The following NAP1L2 variants were observed in gnomAD, a reference collection of about 807,000 sequenced individuals.
NAP1L2 encodes the protein nucleosome assembly protein 1-like 2.
For missense variants in NAP1L2, 376 were observed against 338.5 expected (o/e 1.11, Z -0.87); for synonymous variants, 165 against 126.0 (o/e 1.31, Z -2.07).
rs192799253 is a variant in NAP1L2 at position 73,214,512 on chromosome X, G to A, written c.-20C>T. On this transcript the variant is annotated 5_prime_UTR_variant, in exon 1 of 1. Transcript: ENST00000373517. ...GGCCATTTTTCAAAGGACCGTACAC[G>A]CCTAAGGTGGCTACCACAGAGATCG... 1.9e-3 allele frequency: 2,190 copies of A among 1,183,374 alleles called. 1 individual carries two copies. Among genetic ancestry groups the A allele is most frequent in the Non-Finnish European group, 2.2e-3 (1,942 of 879,554 alleles).
chrX:73,212,762 C>T lies in NAP1L2; in HGVS notation c.*348G>A, dbSNP rs1025175744. The T allele has an allele frequency of 1.1e-4, 17 of 158,745 alleles. No individual in the cohort carries two copies. Among genetic ancestry groups the T allele is most frequent in the Non-Finnish European group, 1.7e-4 (14 of 84,336 alleles). 13.1% of individuals were successfully genotyped at this position (158,745 alleles called of 1,213,427 possible). A position where few individuals can be genotyped will look rare whatever the true frequency, so the allele number is the denominator to read the frequency against. On this transcript the variant is annotated 3_prime_UTR_variant, in exon 1 of 1. Coordinates refer to ENST00000373517, the MANE Select transcript of NAP1L2 (RefSeq NM_021963.4). ...AAAAGAAAAACAACAACAGCGAAAA[C>T]CCTTGGGTTGTTTCCCAAGATTTTT...
In NAP1L2 at chrX:73,214,268, T is replaced by C. The variant is rs1347974576; in HGVS notation, c.225A>G (p.Lys75=). Residue 75 remains lysine, a synonymous_variant, in exon 1 of 1, where the codon AAA becomes AAG. Coordinates refer to ENST00000373517, the MANE Select transcript of NAP1L2 (RefSeq NM_021963.4). ...CTGAGTCCTCATCAGTATCGCCACCTTTTTTCCCATCTTCCCCGGACCCAG... is the reference window on the plus strand; with the variant it reads ...CTGAGTCCTCATCAGTATCGCCACCCTTTTTCCCATCTTCCCCGGACCCAG... ...TAAGSGEDGK[K]GGDTDEDSEA... The C allele has an allele frequency of 4.1e-6, 5 of 1,210,696 alleles. No individual in the cohort carries two copies. Among genetic ancestry groups the C allele is most frequent in the Non-Finnish European group, 5.6e-6 (5 of 895,006 alleles).
Position 73,213,638 on chromosome X carries a change from G to A in NAP1L2, c.855C>T (p.Phe285=), listed in dbSNP as rs2056142169. The A allele has an allele frequency of 3.3e-6, 4 of 1,209,147 alleles. No individual in the cohort carries two copies. In the South Asian group the frequency reaches 7.1e-5, roughly 21 times the overall value. The part of the protein sequence containing the change: ...KLSDPGEPLS[F]TLEFHFKPNE... ...TGGGTTTGAAGTGAAATTCTAGTGT[G>A]AAACTGAGGGGCTCGCCAGGATCTG... is the stretch of plus-strand genomic sequence containing the variant. Residue 285 remains phenylalanine (F), a synonymous_variant, in exon 1 of 1, where the codon TTC becomes TTT. Transcript: ENST00000373517.
At position 73,213,171 on chromosome X, in the gene NAP1L2, AT is replaced by A. The variant is rs767824631; in HGVS notation, c.1321del (p.Ile441LeufsTer14). 8.3e-7 allele frequency: 1 copy of A among 1,210,666 alleles called. No homozygotes were observed. The highest frequency in any genetic ancestry group is 1.7e-5 in the African/African-American group (1 of 57,691). ...TTTGCAACAAGCTTTAACTTCCTCA[AT>A]TGCAGCCATCCAATTATCATAAATA... ...KIIYDNWMAA[I>X]EEVKACCKNL... On this transcript the variant is annotated frameshift_variant, in exon 1 of 1. Coordinates refer to ENST00000373517, the MANE Select transcript of NAP1L2 (RefSeq NM_021963.4). LOFTEE classifies it low-confidence loss of function (END_TRUNC).
In NAP1L2 at chrX:73,214,183, G is replaced by A. The variant is rs767492191; in HGVS notation, c.310C>T (p.Leu104=). 3.3e-6 allele frequency: 4 copies of A among 1,209,646 alleles called. No homozygotes were observed. The highest frequency in any genetic ancestry group is 3.5e-5 in the South Asian group (2 of 56,750). The change falls in exon 1 of 1, where the codon CTA becomes TTA. Residue 104 remains leucine, a synonymous_variant. Transcript: ENST00000373517. ...ACACGGTACTTAACTTTCACAGGTAGACTTTCAACAAAGTCTGTATCTAAA... is the reference window on the plus strand; with the variant it reads ...ACACGGTACTTAACTTTCACAGGTAAACTTTCAACAAAGTCTGTATCTAAA... ...YVLDTDFVES[L]PVKVKYRVLA... is the part of the protein sequence containing the mutation.
chrX:73,214,579 G>C lies in NAP1L2; in HGVS notation c.-87C>G. 5 of 1,029,204 alleles carry C rather than the reference G, an allele frequency of 4.9e-6. No individual in the cohort carries two copies. The allele number at this position is 1,029,204 out of a possible 1,213,427, so 84.8% of individuals were successfully genotyped here. The stretch of plus-strand genomic sequence containing the variant: ...CAGGAAAAGACTCACCGAAATATCA[G>C]AAGCGGCGGTGGTCGGACCTAGCAG... On this transcript the variant is annotated 5_prime_UTR_variant, in exon 1 of 1. Coordinates refer to ENST00000373517, the MANE Select transcript of NAP1L2 (RefSeq NM_021963.4).
chrX:73,214,001 C>T lies in NAP1L2; in HGVS notation c.492G>A (p.Glu164=), dbSNP rs756195943. The change falls in exon 1 of 1, where the codon GAG becomes GAA. Residue 164 remains glutamate (E), a synonymous_variant. Transcript: ENST00000373517. ...CAGAGTCTGATTTATATTCACATTC[C>T]TCTTCTGTAGGTTCATAGATTGCAT... ...IINAIYEPTE[E]ECEYKSDSED... is the part of the protein sequence containing the mutation. The T allele has an allele frequency of 3.2e-5, 39 of 1,211,502 alleles. No homozygotes were observed. Among genetic ancestry groups the T allele is most frequent in the Non-Finnish European group, 4.1e-5 (37 of 895,482 alleles).
In NAP1L2 at chrX:73,214,715, C is replaced by A; in HGVS notation, c.-223G>T. The A allele has an allele frequency of 2.5e-6, 1 of 394,499 alleles. No individual in the cohort carries two copies. The highest frequency in any genetic ancestry group is 2.5e-5 in the African/African-American group (1 of 40,030). The allele number at this position is 394,499 out of a possible 1,213,427, so 32.5% of individuals were successfully genotyped here. On this transcript the variant is annotated 5_prime_UTR_variant, in exon 1 of 1. Coordinates refer to ENST00000373517, the MANE Select transcript of NAP1L2 (RefSeq NM_021963.4). ...GGCGACCTGGGCTGGGTGCAGAGGG[C>A]GGCGACGGCTGCGTTGACCGATCCT... is the stretch of plus-strand genomic sequence containing the variant.
chrX:73,212,992 A>G lies in NAP1L2; in HGVS notation c.*118T>C. On this transcript the variant is annotated 3_prime_UTR_variant, in exon 1 of 1. Transcript: ENST00000373517. Reference sequence around the variant, plus strand: ...ATTAATTAGTTTTTGAACTTTTCTTATATTTTTGAAACATATGTTTTAACT... The same window carrying G: ...ATTAATTAGTTTTTGAACTTTTCTTGTATTTTTGAAACATATGTTTTAACT... 1 of 720,229 alleles carries G rather than the reference A, an allele frequency of 1.4e-6. No individual in the cohort carries two copies. Among genetic ancestry groups the G allele is most frequent in the Non-Finnish European group, 2.0e-6 (1 of 510,083 alleles). 59.4% of individuals were successfully genotyped at this position (720,229 alleles called of 1,213,427 possible).
rs781264523 is a variant in NAP1L2 at position 73,213,845 on chromosome X, C to T, written c.648G>A (p.Glu216=). The change falls in exon 1 of 1, where the codon GAG becomes GAA. Residue 216 remains glutamate, a synonymous_variant. Transcript: ENST00000373517. ...CAATGTCGTCCTCCTCCTCCTCCTC[C>T]TCCTCCTCTTCCACAGCATAATCAT... is the stretch of plus-strand genomic sequence containing the variant. ...YYYDYAVEEE[E]EEEEEDDIEA... 1 of 1,210,956 alleles carries T rather than the reference C, an allele frequency of 8.3e-7. No individual in the cohort carries two copies. Among genetic ancestry groups the T allele is most frequent in the East Asian group, 3.0e-5 (1 of 33,810 alleles).
Position 73,213,947 on chromosome X carries a change from A to T in NAP1L2, c.546T>A (p.His182Gln). 1.7e-6 allele frequency: 2 copies of T among 1,211,062 alleles called. No homozygotes were observed. The highest frequency in any genetic ancestry group is 2.2e-6 in the Non-Finnish European group (2 of 895,368). Residue 182 changes from histidine (H) to glutamine (Q), a missense_variant, in exon 1 of 1, where the codon CAT (histidine) becomes CAA (glutamine). Physicochemically the swap from His to Gln is conservative, Grantham distance 24. Coordinates refer to ENST00000373517, the MANE Select transcript of NAP1L2 (RefSeq NM_021963.4). ...SEDCDDEEMC[H>Q]EEMYGNEEGM... ...CCTCCTCATTACCATACATCTCTTC[A>T]TGACACATTTCCTCATCATCACAGT...
In NAP1L2 at chrX:73,213,662, T is replaced by C; in HGVS notation, c.831A>G (p.Ser277=). The part of the protein sequence containing the change: ...KLLTDIKVKL[S]DPGEPLSFTL... ...TGAAACTGAGGGGCTCGCCAGGATC[T>C]GAAAGCTTAACTTTAATATCTGTCA... Residue 277 remains serine, a synonymous_variant, in exon 1 of 1, where the codon TCA becomes TCG. Transcript: ENST00000373517. 1.7e-6 allele frequency: 2 copies of C among 1,211,580 alleles called. No homozygotes were observed. The highest frequency in any genetic ancestry group is 4.3e-5 in the Admixed American group (2 of 45,988).
rs926129482 is a variant in NAP1L2, at chrX:73,212,443, C to T, written c.*667G>A. 8.9e-6 allele frequency: 1 copy of T among 111,945 alleles called. No homozygotes were observed. The highest frequency in any genetic ancestry group is 3.2e-5 in the African/African-American group (1 of 30,835). 9.2% of individuals were successfully genotyped at this position (111,945 alleles called of 1,213,427 possible). On this transcript the variant is annotated 3_prime_UTR_variant, in exon 1 of 1. Transcript: ENST00000373517. ...AATTAAACACTGTAATTATGGCTTACACAATTACACAGAACAATATGTGCA... is the reference window on the plus strand; with the variant it reads ...AATTAAACACTGTAATTATGGCTTATACAATTACACAGAACAATATGTGCA...
chrX:73,214,111 T>C lies in NAP1L2; in HGVS notation c.382A>G (p.Lys128Glu). The part of the protein sequence containing the change: ...LQTRAANLES[K>E]FLREFHDIER... ...ATGTCATGAAATTCCCTCAGGAATT[T>C]GGATTCTAAATTGGCCGCTCTAGTT... The change falls in exon 1 of 1, where the codon AAA (lysine) becomes GAA (glutamate). Residue 128 changes from lysine (K) to glutamate (E), a missense_variant. Transcript: ENST00000373517. 2 of 1,211,771 alleles carry C rather than the reference T, an allele frequency of 1.7e-6. No individual in the cohort carries two copies. Among genetic ancestry groups the C allele is most frequent in the Non-Finnish European group, 2.2e-6 (2 of 895,602 alleles).
At position 73,213,739 on chromosome X, in the gene NAP1L2, C is replaced by G. The variant is rs758302711; in HGVS notation, c.754G>C (p.Asp252His). 7 of 1,209,431 alleles carry G rather than the reference C, an allele frequency of 5.8e-6. No homozygotes were observed. The Admixed American group carries it at 1.5e-4, about 26-fold the overall frequency. The change falls in exon 1 of 1, where the codon GAT becomes CAT. Residue 252 changes from aspartate to histidine, a missense_variant. By Grantham distance (81) the Asp-to-His change is moderately conservative. Transcript: ENST00000373517. ...TTCTTAATCAAAGGAGTGAGTGTAT[C>G]AACGTTTTTTAAAACAGTTAGCCAA... ...DFWLTVLKNV[D>H]TLTPLIKKYD...
In NAP1L2 at chrX:73,214,276, C is replaced by T. The variant is rs778215521; in HGVS notation, c.217G>A (p.Gly73Arg). Residue 73 changes from glycine to arginine, a missense_variant, in exon 1 of 1, where the codon GGG becomes AGG. Coordinates refer to ENST00000373517, the MANE Select transcript of NAP1L2 (RefSeq NM_021963.4). ...TCATCAGTATCGCCACCTTTTTTCC[C>T]ATCTTCCCCGGACCCAGCAGCAGTA... is the stretch of plus-strand genomic sequence containing the variant. ...EDTAAGSGEDGKKGGDTDEDS... is the reference protein window; with the variant it reads ...EDTAAGSGEDRKKGGDTDEDS... 9.9e-6 allele frequency: 12 copies of T among 1,208,535 alleles called. No homozygotes were observed. The highest frequency in any genetic ancestry group is 1.8e-5 in the African/African-American group (1 of 56,701).
In NAP1L2 at chrX:73,214,709, A is replaced by G. The variant is rs1009991483; in HGVS notation, c.-217T>C. 23 of 409,626 alleles carry G rather than the reference A, an allele frequency of 5.6e-5. No homozygotes were observed. Among genetic ancestry groups the G allele is most frequent in the Non-Finnish European group, 9.4e-5 (22 of 234,273 alleles). The allele number at this position is 409,626 out of a possible 1,213,427, so 33.8% of individuals were successfully genotyped here. ...AGCAGTGGCGACCTGGGCTGGGTGC[A>G]GAGGGCGGCGACGGCTGCGTTGACC... is the stretch of plus-strand genomic sequence containing the variant. On this transcript the variant is annotated 5_prime_UTR_variant, in exon 1 of 1. Transcript: ENST00000373517.
In NAP1L2 at chrX:73,214,160, A is replaced by G; in HGVS notation, c.333T>C (p.Arg111=). ...TTTGAAGCTTTTTAAGGGCTAACACACGGTACTTAACTTTCACAGGTAGAC... is the reference window on the plus strand; with the variant it reads ...TTTGAAGCTTTTTAAGGGCTAACACGCGGTACTTAACTTTCACAGGTAGAC... ...VESLPVKVKY[R]VLALKKLQTR... Residue 111 remains arginine (R), a synonymous_variant, in exon 1 of 1, where the codon CGT becomes CGC. Transcript: ENST00000373517. 8.3e-7 allele frequency: 1 copy of G among 1,211,552 alleles called. No homozygotes were observed. Among genetic ancestry groups the G allele is most frequent in the Non-Finnish European group, 1.1e-6 (1 of 895,446 alleles).
Position 73,213,760 on chromosome X carries a change from G to C in NAP1L2, c.733C>G (p.Leu245Val), listed in dbSNP as rs2056143039. The C allele has an allele frequency of 8.3e-7, 1 of 1,209,175 alleles. No individual in the cohort carries two copies. Among genetic ancestry groups the C allele is most frequent in the Non-Finnish European group, 1.1e-6 (1 of 895,077 alleles). Reference sequence around the variant, plus strand: ...GTATCAACGTTTTTTAAAACAGTTAGCCAAAAATCAGGAATTCCCTTAGGA... The same window carrying C: ...GTATCAACGTTTTTTAAAACAGTTACCCAAAAATCAGGAATTCCCTTAGGA... ...EDPKGIPDFW[L>V]TVLKNVDTLT... Residue 245 changes from leucine (L) to valine (V), a missense_variant, in exon 1 of 1, where the codon CTA becomes GTA. By Grantham distance (32) the Leu-to-Val change is conservative (BLOSUM62 1). Transcript: ENST00000373517.
Sources: gnomAD v4.1 joint callset for allele counts on GRCh38, gnomAD v4.1.1 for gene constraint, MANE v1.5 for transcripts, NCBI Gene and HGNC (gene_info 2026-07-23, HGNC 2026-07-21) for gene names.